EPDR1: variants seen among roughly 807,000 people sequenced by gnomAD.
EPDR1 encodes ependymin related 1.
Under a neutral mutation model 23.7 loss-of-function variants are expected in EPDR1, and 27 were observed. The observed-to-expected ratio is 1.14, with a 90% CI of 0.84 to 1.57. The LOEUF is 1.57. EPDR1 is among the 40% of genes most tolerant of loss of function. The pLI is 0.00. For synonymous variants in EPDR1, 137 were observed against 118.2 expected, an observed-to-expected ratio of 1.16 and a Z score of -1.03; for missense variants, 349 against 290.4, an observed-to-expected ratio of 1.20 and a Z score of -1.47.
rs193077328 is a variant in EPDR1, at chr7:37,930,159, C to A, written c.269+8951C>A. On this transcript the variant is annotated intron_variant, in intron 1 of 2. Coordinates refer to ENST00000199448, the MANE Select transcript of EPDR1 (RefSeq NM_017549.5). ...CTTTTGTTGTGGCTTAAAGTTAGAT[C>A]TTCTGGTAGAGTTCTAGAATGTGGG... 6.6e-5 allele frequency among the ~76,000 whole-genome samples: 10 copies of A among 152,314 alleles called. No homozygotes were observed. In the East Asian group the frequency reaches 1.9e-3, roughly 29 times the overall value.
chr7:37,935,262 GT>G (rs1786025685), intron 1 of EPDR1, among the ~76,000 whole-genome samples: 1 of 152,146 alleles, frequency 6.6e-6, no homozygotes, highest in Admixed American at 6.5e-5. Context: ...GGGTCTTTTA[GT>G]AAGGGATCCA....
At chr7:37,934,667 G>T (rs1786013668) in intron 1 of EPDR1, among the ~76,000 whole-genome samples, 2 of 152,080 alleles carry the variant, frequency 1.3e-5, no homozygotes, top group African/African-American at 4.8e-5. Context: ...AAAATGGCCA[G>T]GTATGGTGGT....
Position 37,950,662 on chromosome 7 carries a change from G to T in EPDR1, c.*266G>T. On this transcript the variant is annotated 3_prime_UTR_variant, in exon 3 of 3. Transcript: ENST00000199448. ...TGGGTATTTCTAATGCCTGTTCAGG[G>T]CTGGTTTTCTGCATGCACGGGTATA... 2.3e-6 allele frequency: 1 copy of T among 433,176 alleles called. No homozygotes were observed. The allele number at this position is 433,176 out of a possible 1,614,324, so 26.8% of individuals were successfully genotyped here.
chr7:37,929,114 A>G (rs1785878262), intron 1 of EPDR1, among the ~76,000 whole-genome samples: 1 of 152,184 alleles, frequency 6.6e-6, no homozygotes, highest in Non-Finnish European at 1.5e-5. Context: ...TCTGCCTAGA[A>G]AGACTTTTTC....
At chr7:37,941,678 A>T (rs1786174472) in intron 1 of EPDR1, among the ~76,000 whole-genome samples, 1 of 152,234 alleles carries the variant, frequency 6.6e-6, no homozygotes, top group East Asian at 1.9e-4. Flanking sequence ...TTGGAAAATA[A>T]AAAGGTAGGA....
chr7:37,928,111 T>G (rs1785854327), intron 1 of EPDR1, among the ~76,000 whole-genome samples: 1 of 151,582 alleles, frequency 6.6e-6, no homozygotes, highest in African/African-American at 2.4e-5. Context: ...CCCAGGAGAG[T>G]AAGGAGGCTG....
At chr7:37,947,676 T>C (rs1288669972) in intron 1 of EPDR1, among the ~76,000 whole-genome samples, 3 of 152,132 alleles carry the variant, frequency 2.0e-5, no homozygotes, top group African/African-American at 7.2e-5. Context: ...CTTTCTGAGG[T>C]CATGGCTGCA....
intron 1 of EPDR1, chr7:37,926,784 G>T (rs1785822348): frequency 4.7e-6 from 2 of 429,612 alleles, no homozygotes; most frequent in Non-Finnish European, 9.5e-6. Context: ...ACTGTGAAAT[G>T]ATACATTTTT....
At position 37,942,306 on chromosome 7, in the gene EPDR1, A is replaced by G. The variant is rs1167686052; in HGVS notation, c.270-6534A>G. ...AGCCTTAAAAAGGAAGGAAATGCCA[A>G]CACATGCTACAGCGCAGATAAACTT... On this transcript the variant is annotated intron_variant, in intron 1 of 2. Transcript: ENST00000199448. Among the ~76,000 whole-genome samples the G allele has an allele frequency of 5.9e-5, 9 of 152,370 alleles. No individual in the cohort carries two copies. In the East Asian group the frequency reaches 1.7e-3, roughly 29 times the overall value.
intron 1 of EPDR1, among the ~76,000 whole-genome samples, chr7:37,921,928 C>T (rs919844042): frequency 4.6e-5 from 7 of 152,168 alleles, no homozygotes; most frequent in African/African-American, 7.2e-5. Context: ...GTATCGCTTA[C>T]AGGGGCAAAG....
chr7:37,943,771 C>A (rs760390725), intron 1 of EPDR1, among the ~76,000 whole-genome samples: 1 of 152,144 alleles, frequency 6.6e-6, no homozygotes. Context: ...TCAGACCACC[C>A]AGATTTAGCA....
At chr7:37,934,398 G>A (rs1358668340) in intron 1 of EPDR1, among the ~76,000 whole-genome samples, 1 of 151,950 alleles carries the variant, frequency 6.6e-6, no homozygotes, top group Non-Finnish European at 1.5e-5. Context: ...TACAGTCAAA[G>A]ACAGAAAGTG....
intron 1 of EPDR1, among the ~76,000 whole-genome samples, chr7:37,947,995 G>C (rs1387038890): frequency 6.6e-6 from 1 of 152,228 alleles, no homozygotes; most frequent in Non-Finnish European, 1.5e-5. Flanking sequence ...CCACTGCAGG[G>C]TATGTGGGCT....
intron 1 of EPDR1, among the ~76,000 whole-genome samples, 157 bp from the exon 2 acceptor site, chr7:37,948,683 G>T (rs1454911659): frequency 1.3e-5 from 2 of 152,138 alleles, no homozygotes; most frequent in African/African-American, 4.8e-5. Context: ...TATGCAGGTT[G>T]TTTCATGTGC....
Position 37,948,829 on chromosome 7 carries a change from C to A in EPDR1, c.270-11C>A. The A allele has an allele frequency of 6.2e-7, 1 of 1,611,968 alleles. No individual in the cohort carries two copies. The highest frequency in any genetic ancestry group is 8.5e-7 in the Non-Finnish European group (1 of 1,178,188). On this transcript the variant is annotated splice_polypyrimidine_tract_variant and intron_variant, in intron 1 of 2. Transcript: ENST00000199448. Reference sequence around the variant, plus strand: ...GAAGTCCCAAACTACTTCTTTCCATCTGTGTTTCAGATTATTTGAATATAT... The same window carrying A: ...GAAGTCCCAAACTACTTCTTTCCATATGTGTTTCAGATTATTTGAATATAT...
chr7:37,943,540 T>C (rs1172957117), intron 1 of EPDR1, among the ~76,000 whole-genome samples: 1 of 152,228 alleles, frequency 6.6e-6, no homozygotes, highest in Non-Finnish European at 1.5e-5. Context: ...CATTAAAATG[T>C]TTTCTAAAAT....
chr7:37,942,679 C>A (rs1309093066), intron 1 of EPDR1, among the ~76,000 whole-genome samples: 1 of 152,084 alleles, frequency 6.6e-6, no homozygotes, highest in Non-Finnish European at 1.5e-5. Context: ...GACACATGTA[C>A]AGAGTTGTTA....
At chr7:37,947,599 C>A (rs1786303536) in intron 1 of EPDR1, among the ~76,000 whole-genome samples, 1 of 152,204 alleles carries the variant, frequency 6.6e-6, no homozygotes, top group Admixed American at 6.5e-5. Flanking sequence ...AATTTGTTGG[C>A]TATTTTTATT....
At chr7:37,938,884 C>T (rs764055052) in intron 1 of EPDR1, among the ~76,000 whole-genome samples, 2 of 152,120 alleles carry the variant, frequency 1.3e-5, no homozygotes, top group Non-Finnish European at 2.9e-5. Flanking sequence ...ATAAGCTGAA[C>T]TAATTGAGCT....
Sources: allele counts gnomAD v4.1 joint callset (sites outside exome capture counted in the v4.1 genomes callset), GRCh38; gene constraint gnomAD v4.1.1; transcripts MANE v1.5; gene names NCBI Gene and HGNC (gene_info 2026-07-23, HGNC 2026-07-21).